ZNF606: variants seen among roughly 807,000 people sequenced by gnomAD.
ZNF606 encodes the protein zinc finger protein 328.
A neutral mutation model predicts 74.9 loss-of-function variants in ZNF606; 37 were observed. The ratio of observed to expected loss-of-function variants is 0.49; its 90% confidence interval spans 0.38 to 0.65. The LOEUF is 0.65. Ranked by LOEUF, ZNF606 falls within the 30% of genes least tolerant of loss-of-function variation. ZNF606 has a pLI of 0.00. For missense variants in ZNF606, 852 were observed against 952.9 expected, an observed-to-expected ratio of 0.89 and a Z score of 1.39; for synonymous variants, 328 against 312.4, an observed-to-expected ratio of 1.05 and a Z score of -0.53.
chr19:57,990,593 G>A (rs1242970134), intron 4 of ZNF606, among the ~76,000 whole-genome samples: 7 of 149,366 alleles, frequency 4.7e-5, no homozygotes, highest in East Asian at 2.0e-4. Context: ...CAACAGACAC[G>A]TGTGCAGTAT....
chr19:57,982,498 T>G (rs1306249955), intron 6 of ZNF606, among the ~76,000 whole-genome samples: 2 of 152,176 alleles, frequency 1.3e-5, no homozygotes, highest in Non-Finnish European at 2.9e-5. Context: ...GATATCTTTG[T>G]GGGGGAAGTC....
chr19:58,002,777 C>G lies in ZNF606; in HGVS notation c.-433G>C. On this transcript the variant is annotated 5_prime_UTR_variant, in exon 1 of 7. Transcript: ENST00000551380. ...GGCCCCACAGCCTGAGCAAAGGCCT[C>G]ACCTCAGCCGCGGACAATGGCGGCT... 1 of 454,066 alleles carries G rather than the reference C, an allele frequency of 2.2e-6. No homozygotes were observed. The highest frequency in any genetic ancestry group is 4.4e-6 in the Non-Finnish European group (1 of 226,008). 28.1% of individuals were successfully genotyped at this position (454,066 alleles called of 1,614,324 possible). A position where few individuals can be genotyped will look rare whatever the true frequency, so the allele number is the denominator to read the frequency against.
chr19:58,000,766 G>GT, intron 2 of ZNF606, 27 bp from the exon 3 acceptor site: 1 of 1,531,560 alleles, frequency 6.5e-7, no homozygotes, highest in Non-Finnish European at 8.8e-7. Flanking sequence ...GGTTAGGACT[G>GT]TGACACCAAA....
At position 57,999,898 on chromosome 19, in the gene ZNF606, T is replaced by C. The variant is rs1284344487; in HGVS notation, c.89-2A>G. 6.2e-7 allele frequency: 1 copy of C among 1,613,152 alleles called. No individual in the cohort carries two copies. Among genetic ancestry groups the C allele is most frequent in the Non-Finnish European group, 8.5e-7 (1 of 1,179,748 alleles). Reference sequence around the variant, plus strand: ...AGGCAGGATACTGAGGACACAGAGCTAGGAAACGAGAAAAAAGTCATGGAG... The same window carrying C: ...AGGCAGGATACTGAGGACACAGAGCCAGGAAACGAGAAAAAAGTCATGGAG... On this transcript the variant is annotated splice_acceptor_variant, in intron 3 of 6. Transcript: ENST00000551380. LOFTEE classifies it high-confidence loss of function.
rs760217487 is a variant in ZNF606, at chr19:57,979,166, G to C, written c.1514C>G (p.Thr505Ser). Reference sequence around the variant, plus strand: ...TTCAAAAGGTTTCTCTCCTGTATGAGTCCTCTGATGTCCAATAAGATGAGA... The same window carrying C: ...TTCAAAAGGTTTCTCTCCTGTATGACTCCTCTGATGTCCAATAAGATGAGA... ...WNSHLIGHQR[T>S]HTGEKPFECT... is the part of the protein sequence containing the mutation. Residue 505 changes from threonine to serine, a missense_variant, in exon 7 of 7, where the codon ACT becomes AGT. Around this residue, in one of 3 missense-constraint regions of ZNF606, gnomAD observed 243 missense variants for 359.2 expected, o/e 0.68. Transcript: ENST00000551380. 7 of 1,613,906 alleles carry C rather than the reference G, an allele frequency of 4.3e-6. No individual in the cohort carries two copies. Among genetic ancestry groups the C allele is most frequent in the East Asian group, 2.2e-5 (1 of 44,874 alleles).
Position 57,978,716 on chromosome 19 carries a change from T to C in ZNF606, c.1964A>G (p.Asn655Ser), listed in dbSNP as rs748660509. The C allele has an allele frequency of 4.4e-5, 71 of 1,614,096 alleles. No individual in the cohort carries two copies. Among genetic ancestry groups the C allele is most frequent in the Non-Finnish European group, 5.8e-5 (69 of 1,180,042 alleles). Residue 655 changes from asparagine (N) to serine (S), a missense_variant, in exon 7 of 7, where the codon AAT (asparagine) becomes AGT (serine). Around this residue, in one of 3 missense-constraint regions of ZNF606, gnomAD observed 243 missense variants for 359.2 expected, o/e 0.68. Coordinates refer to ENST00000551380, the MANE Select transcript of ZNF606 (RefSeq NM_001348022.3). The surrounding 1 kb of genome is among the most constrained non-coding windows in gnomAD (Gnocchi z 4.4). ...THTGEKPYEC[N>S]KCGKSFSQSC... ...CTGACTGAAGGATTTTCCACATTTA[T>C]TGCATTCATAGGGTTTTTCTCCAGT...
chr19:57,991,034 T>G (rs889053552), intron 4 of ZNF606, among the ~76,000 whole-genome samples: 7 of 152,128 alleles, frequency 4.6e-5, no homozygotes, highest in African/African-American at 1.7e-4. Context: ...AGACGCCTCC[T>G]GCACCCTCGT....
chr19:57,985,522 A>G (rs10424571), intron 6 of ZNF606, among the ~76,000 whole-genome samples: 23,688 of 152,156 alleles, frequency 0.16, 1,874 homozygotes, highest in African/African-American at 0.19. Context: ...GATGGCAAAC[A>G]GGTGGGGCCC....
chr19:57,992,610 A>G (rs1428332750), intron 4 of ZNF606, among the ~76,000 whole-genome samples: 1 of 152,240 alleles, frequency 6.6e-6, no homozygotes, highest in Admixed American at 6.5e-5. Context: ...CACATAGAGA[A>G]AACAATATGA....
At chr19:57,988,047 G>C (rs1387752148) in intron 6 of ZNF606, among the ~76,000 whole-genome samples, 160 bp downstream of exon 6, 2 of 152,200 alleles carry the variant, frequency 1.3e-5, no homozygotes, top group Non-Finnish European at 2.9e-5. Flanking sequence ...TTAGGATGGT[G>C]ATGCTTCTTT....
At position 57,977,430 on chromosome 19, in the gene ZNF606, C is replaced by G. The variant is rs891455085; in HGVS notation, c.*871G>C. ...CAACTGGGTTAACTTTTCCATGGAT[C>G]TTTCAGGTCCTTACCCATATACATT... On this transcript the variant is annotated 3_prime_UTR_variant, in exon 7 of 7. Coordinates refer to ENST00000551380, the MANE Select transcript of ZNF606 (RefSeq NM_001348022.3). 2 of 152,240 alleles carry G rather than the reference C, an allele frequency of 1.3e-5. No individual in the cohort carries two copies. Among genetic ancestry groups the G allele is most frequent in the Admixed American group, 1.3e-4 (2 of 15,290 alleles). The allele number at this position is 152,240 out of a possible 1,614,324, so 9.4% of individuals were successfully genotyped here.
chr19:57,986,221 T>C (rs2073161627), intron 6 of ZNF606, among the ~76,000 whole-genome samples: 1 of 152,060 alleles, frequency 6.6e-6, no homozygotes, highest in African/African-American at 2.4e-5. Flanking sequence ...GGATAGTGAC[T>C]CACGCCTGTA....
intron 4 of ZNF606, among the ~76,000 whole-genome samples, chr19:57,994,204 A>G (rs2123323973): frequency 6.6e-6 from 1 of 152,266 alleles, no homozygotes. Context: ...AGACACAGCA[A>G]CTAGTTCAGG....
intron 3 of ZNF606, 65 bp from the exon 4 acceptor site, chr19:57,999,961 G>T: frequency 6.6e-7 from 1 of 1,506,468 alleles, no homozygotes; most frequent in Non-Finnish European, 9.1e-7. Flanking sequence ...TTTCTTCTGG[G>T]GGGCTGAGAA....
At chr19:57,992,190 C>T (rs2073271277) in intron 4 of ZNF606, among the ~76,000 whole-genome samples, 1 of 152,182 alleles carries the variant, frequency 6.6e-6, no homozygotes, top group African/African-American at 2.4e-5. Context: ...TGGACAGTGG[C>T]AATGACCATC....
intron 4 of ZNF606, among the ~76,000 whole-genome samples, chr19:57,989,907 C>G (rs1164469830): frequency 6.6e-6 from 1 of 150,818 alleles, no homozygotes; most frequent in African/African-American, 2.4e-5. Context: ...AAAAAATTAG[C>G]TCAGCGCAGT....
intron 1 of ZNF606, among the ~76,000 whole-genome samples, 175 bp from the exon 2 acceptor site, chr19:58,001,545 A>G (rs1275187336): frequency 6.6e-6 from 1 of 152,218 alleles, no homozygotes; most frequent in Admixed American, 6.5e-5. Context: ...ATGAAAGGTA[A>G]TTTGCATAAG....
chr19:57,996,001 C>T (rs1423351681), intron 4 of ZNF606, among the ~76,000 whole-genome samples: 1 of 152,122 alleles, frequency 6.6e-6, no homozygotes, highest in Non-Finnish European at 1.5e-5. Context: ...GATGGTGATG[C>T]CATTTGCTTC....
intron 4 of ZNF606, among the ~76,000 whole-genome samples, chr19:57,992,724 A>G (rs1476631157): frequency 2.6e-5 from 4 of 152,230 alleles, no homozygotes; most frequent in Non-Finnish European, 5.9e-5. Context: ...ATACACAGAA[A>G]CACTCACAGG....
Sources: gnomAD v4.1 joint callset for allele counts (sites outside exome capture counted in the v4.1 genomes callset) on GRCh38, gnomAD v4.1.1 for gene constraint, gnomAD v4.1.1 regional missense constraint, Gnocchi (gnomAD v3.1) non-coding constraint, MANE v1.5 for transcripts, NCBI Gene and HGNC (gene_info 2026-07-23, HGNC 2026-07-21) for gene names.